EPN2: variants seen among roughly 807,000 people sequenced by gnomAD.
EPN2 encodes the protein epsin 2.
In EPN2, 34 loss-of-function variants were observed where a neutral mutation model predicts 61.7. That is an observed-to-expected ratio of 0.55 (90% CI 0.42 to 0.73). The LOEUF is 0.73. Ranked by LOEUF, EPN2 falls within the 30% of genes least tolerant of loss-of-function variation. The pLI, the probability that EPN2 is intolerant of heterozygous loss-of-function variation, is 0.00. For missense variants in EPN2, 714 were observed against 839.2 expected, an observed-to-expected ratio of 0.85 and a Z score of 1.84; for synonymous variants, 349 against 353.6, an observed-to-expected ratio of 0.99 and a Z score of 0.15.
At chr17:19,265,960 T>C (rs999291098) in intron 1 of EPN2, among the ~76,000 whole-genome samples, 1 of 152,108 alleles carries the variant, frequency 6.6e-6, no homozygotes, top group African/African-American at 2.4e-5. Context: ...TCTGTTTATG[T>C]CCATCACCTT....
At chr17:19,327,323 T>C (rs1054493793) in intron 7 of EPN2, among the ~76,000 whole-genome samples, 6 of 151,800 alleles carry the variant, frequency 4.0e-5, no homozygotes, top group African/African-American at 1.5e-4. Context: ...AAATGTGGAG[T>C]GAACAAAGCC....
chr17:19,289,724 G>GTTTT (rs58087532), intron 4 of EPN2, among the ~76,000 whole-genome samples: 44,527 of 77,782 alleles, frequency 0.57, 16,772 homozygotes, highest in Non-Finnish European at 0.79. Flanking sequence ...GGCGCTCATG[G>GTTTT]TTTTTTTTTT....
intron 1 of EPN2, among the ~76,000 whole-genome samples, chr17:19,239,679 CT>C (rs1273626208): frequency 1.3e-5 from 2 of 152,196 alleles, no homozygotes; most frequent in Admixed American, 1.3e-4. Flanking sequence ...TTCGGATTGT[CT>C]TGTGGGATGT....
chr17:19,258,899 C>T (rs1202828859), intron 1 of EPN2, among the ~76,000 whole-genome samples: 1 of 152,196 alleles, frequency 6.6e-6, no homozygotes, highest in Non-Finnish European at 1.5e-5. Flanking sequence ...GTCTAGCCGA[C>T]GGCCCACCAC....
intron 4 of EPN2, among the ~76,000 whole-genome samples, chr17:19,298,280 C>T (rs370019850): frequency 2.0e-5 from 3 of 152,144 alleles, no homozygotes; most frequent in Non-Finnish European, 1.5e-5. Context: ...CTGCAACCTC[C>T]GCCCCCCAGG....
rs1907356073 is a variant in EPN2, at chr17:19,335,334, TAAAG to T, written c.*1084_*1087del. 2 of 1,473,528 alleles carry T rather than the reference TAAAG, an allele frequency of 1.4e-6. No individual in the cohort carries two copies. Among genetic ancestry groups the T allele is most frequent in the Non-Finnish European group, 1.8e-6 (2 of 1,090,188 alleles). The allele number at this position is 1,473,528 out of a possible 1,614,324, so 91.3% of individuals were successfully genotyped here. On this transcript the variant is annotated 3_prime_UTR_variant, in exon 11 of 11. Coordinates refer to ENST00000314728, the MANE Select transcript of EPN2 (RefSeq NM_014964.5). ...ACGAATATACCAACATCCTGAAAGT[TAAAG>T]AAAAAAATCTAATGTATGAATGTGA...
chr17:19,266,218 A>C (rs1318736316), intron 1 of EPN2, among the ~76,000 whole-genome samples: 1 of 152,158 alleles, frequency 6.6e-6, no homozygotes, highest in African/African-American at 2.4e-5. Flanking sequence ...AGTGGCATAC[A>C]GTTGAATGTT....
intron 4 of EPN2, among the ~76,000 whole-genome samples, chr17:19,302,655 A>G (rs1012764683): frequency 4.6e-5 from 7 of 152,240 alleles, no homozygotes; most frequent in African/African-American, 1.7e-4. Flanking sequence ...ATTTCATTCT[A>G]TATTACAATG....
chr17:19,302,917 T>C (rs1033380794), intron 4 of EPN2, among the ~76,000 whole-genome samples: 4 of 152,158 alleles, frequency 2.6e-5, no homozygotes, highest in Non-Finnish European at 5.9e-5. Flanking sequence ...CTCAGGCTGA[T>C]GACACTCGGC....
chr17:19,332,013 A>G lies in EPN2; in HGVS notation c.1572A>G (p.Ser524=), dbSNP rs779883612. Residue 524 remains serine (S), a synonymous_variant, in exon 10 of 11, where the codon TCA becomes TCG. Coordinates refer to ENST00000314728, the MANE Select transcript of EPN2 (RefSeq NM_014964.5). ...GPNAALVNLD[S]LVTRPAPPAQ... is the part of the protein sequence containing the mutation. ...ACGCGGCCCTGGTGAACCTGGACTC[A>G]CTGGTGACCAGGCCTGCCCCACCAG... is the stretch of plus-strand genomic sequence containing the variant. The G allele has an allele frequency of 1.9e-6, 3 of 1,613,674 alleles. No individual in the cohort carries two copies. The highest frequency in any genetic ancestry group is 2.5e-6 in the Non-Finnish European group (3 of 1,179,990).
rs1412011255 is a variant in EPN2 at position 19,325,758 on chromosome 17, T to TA, written c.1148-2950dup. Among the ~76,000 whole-genome samples the TA allele has an allele frequency of 1.1e-4, 16 of 152,272 alleles. No homozygotes were observed. The East Asian group carries it at 3.1e-3, about 29-fold the overall frequency. ...AGTAAGACAAGAAAAAGACAAAGTA[T>TA]AAAGGACTAGAAAGAAGACACTAAA... On this transcript the variant is annotated intron_variant, in intron 7 of 10. Transcript: ENST00000314728.
chr17:19,333,772 C>T (rs1344524903), intron 10 of EPN2, among the ~76,000 whole-genome samples, 184 bp from the exon 11 acceptor site: 1 of 152,222 alleles, frequency 6.6e-6, no homozygotes. Flanking sequence ...ATCTCCTCAT[C>T]CTTAAAGTGC....
Position 19,332,488 on chromosome 17 carries a change from C to T in EPN2, c.1627+420C>T, listed in dbSNP as rs373227064. ...CTTGGGTACAAGCCTTCCTCCAGGT[C>T]CCTTGCTTCCACTCCTGGTGCCAGA... On this transcript the variant is annotated intron_variant, in intron 10 of 10. Coordinates refer to ENST00000314728, the MANE Select transcript of EPN2 (RefSeq NM_014964.5). Among the ~76,000 whole-genome samples the T allele has an allele frequency of 1.2e-3, 176 of 152,240 alleles. 1 individual carries two copies. In the South Asian group the frequency reaches 0.034, roughly 29 times the overall value.
intron 1 of EPN2, among the ~76,000 whole-genome samples, chr17:19,247,366 G>A (rs1377081265): frequency 1.3e-5 from 2 of 152,170 alleles, no homozygotes; most frequent in Non-Finnish European, 2.9e-5. Flanking sequence ...GAAGCTAGCA[G>A]TTTGTTGAGC....
chr17:19,246,980 C>T (rs1156633894), intron 1 of EPN2, among the ~76,000 whole-genome samples: 1 of 152,058 alleles, frequency 6.6e-6, no homozygotes, highest in Non-Finnish European at 1.5e-5. Context: ...CCGTGTTAGC[C>T]AGGATGGTCT....
intron 10 of EPN2, 53 bp from the exon 11 acceptor site, chr17:19,333,903 C>T: frequency 6.8e-7 from 1 of 1,468,624 alleles, no homozygotes; most frequent in Non-Finnish European, 9.1e-7. Flanking sequence ...CCTGGGAGCT[C>T]AGAAAGCCAC....
At chr17:19,275,993 C>A (rs1597987857) in intron 1 of EPN2, among the ~76,000 whole-genome samples, 1 of 152,216 alleles carries the variant, frequency 6.6e-6, no homozygotes, top group East Asian at 1.9e-4. Context: ...AATTTATTGA[C>A]ACTGTGTGGT....
rs1906387657 is a variant in EPN2 at position 19,316,470 on chromosome 17, A to G, written c.1147+3191A>G. On this transcript the variant is annotated intron_variant, in intron 7 of 10. Coordinates refer to ENST00000314728, the MANE Select transcript of EPN2 (RefSeq NM_014964.5). ...TTGGGACAGGCTCAGTGCTTATGGC[A>G]CCATGTCCTGTAGTTGTCACACCAT... Among the ~76,000 whole-genome samples, 3 of 152,336 alleles carry G rather than the reference A, an allele frequency of 2.0e-5. No individual in the cohort carries two copies. The South Asian group carries it at 6.2e-4, about 32-fold the overall frequency.
intron 1 of EPN2, among the ~76,000 whole-genome samples, chr17:19,241,273 A>G (rs1381555474): frequency 6.6e-6 from 1 of 152,122 alleles, no homozygotes; most frequent in Non-Finnish European, 1.5e-5. Context: ...GTTTATGTCC[A>G]TCTGTTGAGT....
Sources: gnomAD v4.1 joint callset for allele counts (sites outside exome capture counted in the v4.1 genomes callset) on GRCh38, gnomAD v4.1.1 for gene constraint, MANE v1.5 for transcripts, NCBI Gene and HGNC (gene_info 2026-07-23, HGNC 2026-07-21) for gene names.